Variants in NRG4 observed in about 807,000 individuals in gnomAD.
NRG4 encodes pro-neuregulin-4, membrane-bound isoform.
In NRG4, 10 loss-of-function variants were observed where a neutral mutation model predicts 15.0. The observed-to-expected ratio is 0.67, with a 90% CI of 0.41 to 1.13. NRG4 has a LOEUF of 1.13. Among genes scored for constraint, NRG4 ranks in the 50% most tolerant of loss-of-function variants. NRG4 has a pLI of 0.00. For missense variants in NRG4, 139 were observed against 140.2 expected (o/e 0.99, Z 0.04); for synonymous variants, 41 against 50.1 (o/e 0.82, Z 0.77).
At chr15:75,970,531 G>C (rs2033041490) in intron 3 of NRG4, among the ~76,000 whole-genome samples, 1 of 152,222 alleles carries the variant, frequency 6.6e-6, no homozygotes, top group Admixed American at 6.5e-5. Flanking sequence ...TGAGCCTGTG[G>C]CTCTATGGGC....
At chr15:76,049,377 T>G (rs566856473) in intron 4 of NRG4, among the ~76,000 whole-genome samples, 1 of 150,986 alleles carries the variant, frequency 6.6e-6, no homozygotes, top group Admixed American at 6.6e-5. Flanking sequence ...TCCATTTTAT[T>G]TGCTCACCCC....
intron 5 of NRG4, among the ~76,000 whole-genome samples, chr15:75,948,713 T>C (rs564179655): frequency 1.3e-5 from 2 of 152,290 alleles, no homozygotes; most frequent in African/African-American, 4.8e-5. Context: ...TAAAAACAAC[T>C]TACTGAGGTA....
chr15:75,987,932 G>T (rs2033858194), intron 3 of NRG4, among the ~76,000 whole-genome samples: 1 of 152,182 alleles, frequency 6.6e-6, no homozygotes, highest in African/African-American at 2.4e-5. Context: ...ATACACTGTA[G>T]ATGCCATCTA....
intron 3 of NRG4, among the ~76,000 whole-genome samples, chr15:75,986,741 G>C (rs117824263): frequency 7.1e-4 from 108 of 151,942 alleles, no homozygotes; most frequent in Non-Finnish European, 1.4e-3. Flanking sequence ...TCATTTTTTG[G>C]TGTGTCCCAA....
intron 3 of NRG4, among the ~76,000 whole-genome samples, chr15:75,993,392 TAAAAAA>T (rs60453624): frequency 1.8e-4 from 13 of 72,178 alleles, no homozygotes; most frequent in African/African-American, 5.5e-4. Context: ...GAGGATTCTG[TAAAAAA>T]AAAAAAAAAA....
intron 3 of NRG4, among the ~76,000 whole-genome samples, chr15:76,004,129 C>T (rs535546349): frequency 2.6e-5 from 4 of 152,018 alleles, no homozygotes; most frequent in South Asian, 2.1e-4. Flanking sequence ...TGTAACAATA[C>T]GTGAAAGAAG....
intron 5 of NRG4, among the ~76,000 whole-genome samples, chr15:75,946,657 C>T (rs2031535444): frequency 6.6e-6 from 1 of 152,168 alleles, no homozygotes; most frequent in Admixed American, 6.5e-5. Flanking sequence ...CCGCGCCTGG[C>T]CCTCCAGAAC....
chr15:76,040,597 A>C (rs2141953252), intron 4 of NRG4, among the ~76,000 whole-genome samples: 1 of 152,364 alleles, frequency 6.6e-6, no homozygotes, highest in East Asian at 1.9e-4. Context: ...TCCTAAATAG[A>C]AAGATTAAAT....
rs560365036 is a variant in NRG4, at chr15:76,039,623, C to A, written c.-104-3632G>T. On this transcript the variant is annotated intron_variant, in intron 4 of 8. Transcript: ENST00000563910. The stretch of plus-strand genomic sequence containing the variant: ...ACACCTACATTATCTAGAAAATAGC[C>A]TCAAAAGGGCAAATCTAAGAGTTAT... 7.2e-5 allele frequency among the ~76,000 whole-genome samples: 11 copies of A among 152,008 alleles called. No individual in the cohort carries two copies. The South Asian group carries it at 2.3e-3, about 32-fold the overall frequency.
downstream of NRG4, chr15:75,939,346 A>AACGT (rs1461674071): frequency 1.3e-5 from 2 of 152,286 alleles, no homozygotes; most frequent in African/African-American, 4.8e-5. Context: ...AGAAATGCAA[A>AACGT]ACGTACTACT....
chr15:76,036,079 A>C, intron 4 of NRG4: 1 of 152,190 alleles, frequency 6.6e-6, no homozygotes, highest in Non-Finnish European at 1.5e-5. Flanking sequence ...GCATTCTGGC[A>C]TTACATATTA....
intron 1 of NRG4, among the ~76,000 whole-genome samples, chr15:76,057,697 T>A (rs1450125059): frequency 6.6e-6 from 1 of 152,134 alleles, no homozygotes; most frequent in Non-Finnish European, 1.5e-5. Context: ...ATGAAATGGT[T>A]GCACCTACAA....
chr15:75,949,559 G>C (rs2031756294), intron 5 of NRG4, among the ~76,000 whole-genome samples: 1 of 152,096 alleles, frequency 6.6e-6, no homozygotes. Context: ...TTTTAGAATG[G>C]TGTCCTTTGA....
At chr15:76,054,759 A>G (rs1444011628) in intron 2 of NRG4, among the ~76,000 whole-genome samples, 1 of 152,228 alleles carries the variant, frequency 6.6e-6, no homozygotes, top group Non-Finnish European at 1.5e-5. Flanking sequence ...ATTCAACTCC[A>G]CTTATATACC....
chr15:75,994,474 C>T (rs554594254), intron 3 of NRG4, among the ~76,000 whole-genome samples: 1 of 152,346 alleles, frequency 6.6e-6, no homozygotes, highest in South Asian at 2.1e-4. Flanking sequence ...GTGACATTCC[C>T]TTCTTCTAGG....
At position 75,942,894 on chromosome 15, in the gene NRG4, A is replaced by G. The variant is rs1259898352; in HGVS notation, c.*744T>C. On this transcript the variant is annotated 3_prime_UTR_variant, in exon 6 of 6. Coordinates refer to ENST00000394907, the MANE Select transcript of NRG4 (RefSeq NM_138573.4). Reference sequence around the variant, plus strand: ...TGACCTAATCAGTTCTTAATATTGCACCTAAAAAGATAGAAACTGCATTCT... The same window carrying G: ...TGACCTAATCAGTTCTTAATATTGCGCCTAAAAAGATAGAAACTGCATTCT... 6.6e-6 allele frequency: 1 copy of G among 152,172 alleles called. No homozygotes were observed. Among genetic ancestry groups the G allele is most frequent in the Admixed American group, 6.5e-5 (1 of 15,284 alleles). The allele number at this position is 152,172 out of a possible 1,614,324, so 9.4% of individuals were successfully genotyped here. A position where few individuals can be genotyped will look rare whatever the true frequency, so the allele number is the denominator to read the frequency against.
chr15:76,049,049 A>AG (rs2035937861), intron 4 of NRG4, among the ~76,000 whole-genome samples: 1 of 150,478 alleles, frequency 6.6e-6, no homozygotes, highest in African/African-American at 2.5e-5. Flanking sequence ...GTCACATAAA[A>AG]GAAAAAAAAA....
intron 5 of NRG4, among the ~76,000 whole-genome samples, chr15:76,021,637 C>T (rs1350238152): frequency 6.6e-6 from 1 of 152,136 alleles, no homozygotes; most frequent in African/African-American, 2.4e-5. Context: ...ACCTTGAAGC[C>T]ATGATGCTGT....
At chr15:75,983,538 C>G (rs1330471336) in intron 3 of NRG4, among the ~76,000 whole-genome samples, 2 of 152,004 alleles carry the variant, frequency 1.3e-5, no homozygotes, top group Non-Finnish European at 2.9e-5. Context: ...AAAGGCACAG[C>G]CATTAGAAGG....
Sources: allele counts gnomAD v4.1 joint callset (sites outside exome capture counted in the v4.1 genomes callset), GRCh38; gene constraint gnomAD v4.1.1; transcripts MANE v1.5; gene names NCBI Gene and HGNC (gene_info 2026-07-23, HGNC 2026-07-21).